SMYD3: variants seen among roughly 807,000 people sequenced by gnomAD.
SMYD3 encodes the protein SET and MYND domain containing 3.
In SMYD3, 36 loss-of-function variants were observed where a neutral mutation model predicts 57.7. The observed-to-expected ratio is 0.62, with a 90% CI of 0.48 to 0.82. SMYD3 has a LOEUF of 0.82. Ranked by LOEUF, SMYD3 falls within the 40% of genes least tolerant of loss-of-function variation. SMYD3 has a pLI of 0.00. For synonymous variants in SMYD3, 211 were observed against 195.0 expected, an observed-to-expected ratio of 1.08 and a Z score of -0.68; for missense variants, 515 against 538.8, an observed-to-expected ratio of 0.96 and a Z score of 0.44.
chr1:246,402,334 C>A (rs143728747), intron 1 of SMYD3, among the ~76,000 whole-genome samples: 1 of 87,506 alleles, frequency 1.1e-5, no homozygotes, highest in Non-Finnish European at 2.9e-5. Context: ...CTGTTCAAAC[C>A]AGTTAAAATG....
chr1:246,506,995 C>CCCCCCCCCCCCCCCCCCCA, intron 1 of SMYD3, 59 bp downstream of exon 1: 1 of 825,154 alleles, frequency 1.2e-6, no homozygotes, highest in Non-Finnish European at 1.6e-6. Context: ...CGACGCCCCC[C>CCCCCCCCCCCCCCCCCCCA]CCTCCCCAGC....
intron 5 of SMYD3, among the ~76,000 whole-genome samples, chr1:245,989,635 G>C (rs2148109391): frequency 6.6e-6 from 1 of 152,360 alleles, no homozygotes; most frequent in South Asian, 2.1e-4. Flanking sequence ...CCTTCTAGGT[G>C]TCCTACCTTG....
intron 5 of SMYD3, among the ~76,000 whole-genome samples, chr1:245,964,961 C>T (rs2148003359): frequency 6.6e-6 from 1 of 152,056 alleles, no homozygotes; most frequent in Non-Finnish European, 1.5e-5. Context: ...AAACACCAAA[C>T]CACAGATCCA....
chr1:245,928,082 A>C (rs757093070), intron 6 of SMYD3, 49 bp from the exon 7 acceptor site: 1 of 1,472,054 alleles, frequency 6.8e-7, no homozygotes, highest in South Asian at 1.1e-5. Context: ...AGGTAGAGTC[A>C]ACTAAATTTA....
chr1:246,320,925 T>C (rs1487091861), intron 5 of SMYD3, among the ~76,000 whole-genome samples: 2 of 152,224 alleles, frequency 1.3e-5, no homozygotes, highest in Admixed American at 1.3e-4. Flanking sequence ...TCCATCCTTT[T>C]AAGATGCATG....
intron 5 of SMYD3, among the ~76,000 whole-genome samples, chr1:246,286,880 G>GTT (rs35900118): frequency 3.1e-4 from 43 of 137,554 alleles, no homozygotes; most frequent in East Asian, 6.0e-4. Context: ...CTTTTTTTTT[G>GTT]TTTTTTTTTT....
chr1:246,343,633 T>A (rs1386766011), intron 2 of SMYD3, among the ~76,000 whole-genome samples: 1 of 152,234 alleles, frequency 6.6e-6, no homozygotes, highest in Non-Finnish European at 1.5e-5. Flanking sequence ...CAAGTCTGTA[T>A]GCCAAAGAGT....
intron 5 of SMYD3, among the ~76,000 whole-genome samples, chr1:245,940,298 T>G (rs550695149): frequency 1.3e-4 from 20 of 152,324 alleles, no homozygotes; most frequent in African/African-American, 4.3e-4. Flanking sequence ...ACTGCTTCTT[T>G]AAGCATATCC....
In SMYD3 at chr1:246,296,519, T is replaced by C. The variant is rs557814285; in HGVS notation, c.531+30682A>G. Among the ~76,000 whole-genome samples, 6 of 152,212 alleles carry C rather than the reference T, an allele frequency of 3.9e-5. No individual in the cohort carries two copies. In the South Asian group the frequency reaches 1.2e-3, roughly 32 times the overall value. On this transcript the variant is annotated intron_variant, in intron 5 of 11. Transcript: ENST00000490107. The stretch of plus-strand genomic sequence containing the variant: ...AATGCAGATTTATATATAAATAACA[T>C]TATATACTTTTTAGAACATATATTT...
Position 246,442,421 on chromosome 1 carries a change from C to A in SMYD3, c.164+64633G>T, listed in dbSNP as rs191659009. Among the ~76,000 whole-genome samples, 899 of 152,136 alleles carry A rather than the reference C, an allele frequency of 5.9e-3. 11 individuals carry two copies. Among genetic ancestry groups the A allele is most frequent in the African/African-American group, 0.021 (857 of 41,524 alleles). ...AAAATCAGCTGGGCGTGGTGACGCACACCTGTAATCCCAGCTACTCGGGAG... is the reference window on the plus strand; with the variant it reads ...AAAATCAGCTGGGCGTGGTGACGCAAACCTGTAATCCCAGCTACTCGGGAG... On this transcript the variant is annotated intron_variant, in intron 1 of 11. Coordinates refer to ENST00000490107, the MANE Select transcript of SMYD3 (RefSeq NM_001167740.2).
At chr1:246,380,327 T>C (rs1245173992) in intron 1 of SMYD3, among the ~76,000 whole-genome samples, 3 of 152,234 alleles carry the variant, frequency 2.0e-5, no homozygotes, top group Non-Finnish European at 4.4e-5. Flanking sequence ...ATAGCTCATT[T>C]ATAATAATCC....
chr1:246,464,961 G>A (rs2067860725), intron 1 of SMYD3, among the ~76,000 whole-genome samples: 1 of 152,136 alleles, frequency 6.6e-6, no homozygotes, highest in Non-Finnish European at 1.5e-5. Context: ...CTTGCTTTAA[G>A]AAATAAATTC....
intron 1 of SMYD3, among the ~76,000 whole-genome samples, chr1:246,382,141 G>A (rs187220520): frequency 5.7e-4 from 86 of 150,122 alleles, no homozygotes; most frequent in Non-Finnish European, 9.8e-4. Context: ...CAGGCCAACC[G>A]CAGGCTCCGG....
intron 5 of SMYD3, among the ~76,000 whole-genome samples, chr1:246,258,286 C>T (rs905498574): frequency 4.6e-5 from 7 of 152,094 alleles, no homozygotes; most frequent in African/African-American, 1.7e-4. Context: ...CCGCCCACCT[C>T]GGCCTCCCAA....
intron 5 of SMYD3, among the ~76,000 whole-genome samples, chr1:246,094,061 C>T (rs568000834): frequency 1.3e-5 from 2 of 152,160 alleles, no homozygotes; most frequent in East Asian, 1.9e-4. Flanking sequence ...GAGGTGGGGC[C>T]GAACATGTCC....
At chr1:245,763,111 T>C (rs1307378294) in intron 11 of SMYD3, among the ~76,000 whole-genome samples, 1 of 152,196 alleles carries the variant, frequency 6.6e-6, no homozygotes, top group Non-Finnish European at 1.5e-5. Context: ...AAACTAACCA[T>C]CGTGTTTTAA....
At chr1:246,139,315 A>T (rs2061714575) in intron 5 of SMYD3, among the ~76,000 whole-genome samples, 10 of 152,328 alleles carry the variant, frequency 6.6e-5, no homozygotes, top group Admixed American at 5.2e-4. Flanking sequence ...CAATACATAG[A>T]TTTTCTCAAG....
chr1:245,996,695 A>C (rs2058937928), intron 5 of SMYD3, among the ~76,000 whole-genome samples: 1 of 152,226 alleles, frequency 6.6e-6, no homozygotes, highest in Non-Finnish European at 1.5e-5. Flanking sequence ...AGCCAAGCCC[A>C]GTATTTAAAA....
chr1:246,003,381 T>C (rs1256882491), intron 5 of SMYD3, among the ~76,000 whole-genome samples: 2 of 152,238 alleles, frequency 1.3e-5, no homozygotes, highest in Non-Finnish European at 2.9e-5. Context: ...CTTTTAGGAC[T>C]AATTCCGTCT....
Sources: allele counts gnomAD v4.1 joint callset (sites outside exome capture counted in the v4.1 genomes callset), GRCh38; gene constraint gnomAD v4.1.1; transcripts MANE v1.5; gene names NCBI Gene and HGNC (gene_info 2026-07-23, HGNC 2026-07-21).